RGS6: variants seen among roughly 807,000 people sequenced by gnomAD.
The protein encoded by RGS6 is regulator of G protein signaling 6.
In RGS6, 30 loss-of-function variants were observed where a neutral mutation model predicts 78.5. The ratio of observed to expected loss-of-function variants is 0.38; its 90% confidence interval spans 0.29 to 0.52. The LOEUF is 0.52. RGS6 is among the 20% of genes least tolerant of loss of function. The probability of loss-of-function intolerance (pLI) is 0.85; values close to 1 mark genes in which losing one functional copy is unlikely to be tolerated. For missense variants in RGS6, 495 were observed against 609.7 expected (o/e 0.81, Z 1.98); for synonymous variants, 206 against 206.0 (o/e 1.00, Z 0.00).
At chr14:72,067,497 G>T (rs2094206977) in intron 2 of RGS6, among the ~76,000 whole-genome samples, 1 of 152,028 alleles carries the variant, frequency 6.6e-6, no homozygotes, top group Admixed American at 6.6e-5. Flanking sequence ...AAGATTTTTT[G>T]GAGTTTAGAA....
chr14:71,905,257 C>T, the RGS6 span, among the ~76,000 whole-genome samples: 32 of 152,328 alleles, frequency 2.1e-4, no homozygotes, highest in African/African-American at 7.0e-4. Context: ...CCCATTCATT[C>T]ACTTAGCTGG....
intron 2 of RGS6, among the ~76,000 whole-genome samples, chr14:72,224,804 G>A (rs951828132): frequency 1.3e-5 from 2 of 152,060 alleles, no homozygotes; most frequent in African/African-American, 4.8e-5. Context: ...CCTCTGACCT[G>A]AGCCTAAACC....
chr14:72,147,048 G>T (rs938258546), intron 2 of RGS6, among the ~76,000 whole-genome samples: 12 of 152,256 alleles, frequency 7.9e-5, no homozygotes, highest in African/African-American at 2.6e-4. Context: ...CATCAGGATG[G>T]CCATTACTGT....
At chr14:72,052,969 C>CTTTCTT (rs2093360157) in intron 2 of RGS6, among the ~76,000 whole-genome samples, 1 of 48,088 alleles carries the variant, frequency 2.1e-5, no homozygotes, top group Non-Finnish European at 3.6e-5. Flanking sequence ...TTCTTTCTTT[C>CTTTCTT]TTTCTTTCTT....
the RGS6 span, chr14:72,594,761 A>C: frequency 6.6e-6 from 1 of 152,024 alleles, no homozygotes; most frequent in African/African-American, 2.4e-5. Context: ...TCTTCCTTTT[A>C]TTCATGGCGG....
chr14:72,055,224 C>T (rs1172044697), intron 2 of RGS6, among the ~76,000 whole-genome samples: 3 of 152,164 alleles, frequency 2.0e-5, no homozygotes, highest in Non-Finnish European at 4.4e-5. Context: ...CTTTCAGGGT[C>T]GCTATATCCA....
chr14:72,236,003 C>A (rs2050914195), intron 2 of RGS6, among the ~76,000 whole-genome samples: 1 of 152,136 alleles, frequency 6.6e-6, no homozygotes, highest in African/African-American at 2.4e-5. Flanking sequence ...TTAAAGCAAG[C>A]AAGATTTGTA....
At chr14:72,609,127 A>G in the RGS6 span, among the ~76,000 whole-genome samples, 1 of 152,326 alleles carries the variant, frequency 6.6e-6, no homozygotes. Flanking sequence ...CAATCACAGA[A>G]CAAGATACTA....
At chr14:72,284,693 A>G (rs1329760870) in intron 2 of RGS6, among the ~76,000 whole-genome samples, 8 of 152,216 alleles carry the variant, frequency 5.3e-5, no homozygotes, top group Non-Finnish European at 2.9e-5. Context: ...GGCACTGCCT[A>G]GGGAAGTTGT....
At chr14:72,289,994 AT>A (rs1287405831) in intron 2 of RGS6, among the ~76,000 whole-genome samples, 1 of 152,216 alleles carries the variant, frequency 6.6e-6, no homozygotes, top group East Asian at 1.9e-4. Context: ...GAAAATTGGC[AT>A]TTAAAATGTG....
In RGS6 at chr14:72,452,028, G is replaced by A. The variant is rs183018004; in HGVS notation, c.185-2500G>A. ...GTCTCCAAAAGTGTTGGGATTATAG[G>A]CATGAGCCACTGCGCCTGGCCAGAA... is the stretch of plus-strand genomic sequence containing the variant. On this transcript the variant is annotated intron_variant, in intron 3 of 17. Coordinates refer to ENST00000553525, the MANE Select transcript of RGS6 (RefSeq NM_001204424.2). Among the ~76,000 whole-genome samples the A allele has an allele frequency of 4.4e-3, 676 of 152,300 alleles. 5 individuals are homozygous for A. Among genetic ancestry groups the A allele is most frequent in the African/African-American group, 0.015 (637 of 41,552 alleles).
chr14:72,049,357 C>T (rs924172664), intron 2 of RGS6, among the ~76,000 whole-genome samples: 3 of 152,188 alleles, frequency 2.0e-5, no homozygotes, highest in African/African-American at 7.2e-5. Flanking sequence ...CCTGGCTTTA[C>T]TTGTCCTTAA....
At chr14:72,428,676 A>G (rs1489812789) in intron 3 of RGS6, among the ~76,000 whole-genome samples, 1 of 152,242 alleles carries the variant, frequency 6.6e-6, no homozygotes, top group African/African-American at 2.4e-5. Flanking sequence ...ACTGAAGAGC[A>G]GCCTTGCTGC....
At chr14:72,090,928 G>A (rs2095248348) in intron 2 of RGS6, among the ~76,000 whole-genome samples, 1 of 152,052 alleles carries the variant, frequency 6.6e-6, no homozygotes, top group South Asian at 2.1e-4. Context: ...ATTTTCTTTT[G>A]GCCATCTGGG....
intron 2 of RGS6, among the ~76,000 whole-genome samples, chr14:72,185,445 T>C (rs542605264): frequency 6.6e-6 from 1 of 152,150 alleles, no homozygotes; most frequent in South Asian, 2.1e-4. Flanking sequence ...AATACCCTCA[T>C]AGAAAACTCT....
chr14:72,156,697 T>G (rs1306773314), intron 2 of RGS6, among the ~76,000 whole-genome samples: 1 of 150,250 alleles, frequency 6.7e-6, no homozygotes, highest in African/African-American at 2.4e-5. Flanking sequence ...ATCTGCTATT[T>G]CAGCAGGAAA....
At chr14:72,244,394 G>A (rs746280587) in intron 2 of RGS6, among the ~76,000 whole-genome samples, 56 of 151,910 alleles carry the variant, frequency 3.7e-4, no homozygotes, top group Non-Finnish European at 4.4e-5. Context: ...CCACAGGGAT[G>A]ATATCATAGC....
intron 2 of RGS6, among the ~76,000 whole-genome samples, chr14:72,073,135 TTA>T (rs1354349501): frequency 2.6e-5 from 4 of 152,252 alleles, no homozygotes; most frequent in Non-Finnish European, 5.9e-5. Context: ...TAACGTTTCT[TTA>T]TGTCTTCATC....
chr14:72,279,418 T>C (rs1421900692), intron 2 of RGS6, among the ~76,000 whole-genome samples: 2 of 151,994 alleles, frequency 1.3e-5, no homozygotes, highest in East Asian at 3.9e-4. Flanking sequence ...AGTGACGAGG[T>C]ATGTGAGCTC....
Sources: allele counts gnomAD v4.1 joint callset (sites outside exome capture counted in the v4.1 genomes callset), GRCh38; gene constraint gnomAD v4.1.1; transcripts MANE v1.5; gene names NCBI Gene and HGNC (gene_info 2026-07-23, HGNC 2026-07-21).